PIEZO1: variants seen among roughly 807,000 people sequenced by gnomAD.
The protein encoded by PIEZO1 is piezo type mechanosensitive ion channel component 1 (Er blood group).
In PIEZO1, 296 loss-of-function variants were observed where a neutral mutation model predicts 297.2. The ratio of observed to expected loss-of-function variants is 1.00; its 90% CI spans 0.91 to 1.10. PIEZO1 has a LOEUF of 1.10. Among genes scored for constraint, PIEZO1 ranks in the 50% least tolerant of loss-of-function variants. PIEZO1 has a pLI of 0.00. For synonymous variants in PIEZO1, 2,427 were observed against 1,507.5 expected (o/e 1.61, Z -14.13); for missense variants, 5,018 against 3,455.5 (o/e 1.45, Z -11.34).
intron 1 of PIEZO1, among the ~76,000 whole-genome samples, chr16:88,768,277 A>G (rs1012271217): frequency 2.0e-5 from 3 of 152,190 alleles, no homozygotes; most frequent in Non-Finnish European, 4.4e-5. Context: ...ACCTTATGGC[A>G]GGGTGTCCCC....
At chr16:88,730,999 G>A (rs568837557) in intron 22 of PIEZO1, among the ~76,000 whole-genome samples, 44 of 152,290 alleles carry the variant, frequency 2.9e-4, no homozygotes, top group African/African-American at 5.8e-4. Context: ...CCCCTGAGCC[G>A]GCCACGTGCA....
At chr16:88,726,481 C>T in intron 26 of PIEZO1, 26 bp from the exon 27 acceptor site, 1 of 1,548,720 alleles carries the variant, frequency 6.5e-7, no homozygotes, top group South Asian at 1.2e-5. Flanking sequence ...CGGCAAGGGT[C>T]AGGCCCAGGG....
chr16:88,737,508 C>G, intron 10 of PIEZO1, 51 bp downstream of exon 10: 1 of 1,315,570 alleles, frequency 7.6e-7, no homozygotes, highest in South Asian at 1.3e-5. Context: ...CAGCACCGGC[C>G]TCCGCCCCGC....
rs1244995733 is a variant in PIEZO1, at chr16:88,734,737, G to C, written c.1910C>G (p.Thr637Ser). The C allele has an allele frequency of 3.9e-6, 6 of 1,550,172 alleles. No individual in the cohort carries two copies. Among genetic ancestry groups the C allele is most frequent in the African/African-American group, 1.4e-5 (1 of 73,046 alleles). ...GTAGACGGCGATGAGGACCAGCATG[G>C]TGTAGGCCACCACGAGCCACCAGAA... ...KAFWWLVVAY[T>S]MLVLIAVYTF... is the part of the protein sequence containing the mutation. The change falls in exon 15 of 51, where the codon ACC becomes AGC. Residue 637 changes from threonine (T) to serine (S), a missense_variant. Physicochemically the swap from Thr to Ser is moderately conservative, Grantham distance 58 (BLOSUM62 1). Coordinates refer to ENST00000301015, the MANE Select transcript of PIEZO1 (RefSeq NM_001142864.4).
chr16:88,784,852 C>G, intron 1 of PIEZO1, 49 bp downstream of exon 1: 1 of 1,309,266 alleles, frequency 7.6e-7, no homozygotes, highest in Non-Finnish European at 1.0e-6. Context: ...CGTGGGGAGC[C>G]GAGACGCAGC....
At chr16:88,734,272 C>A in intron 16 of PIEZO1, 84 bp downstream of exon 16, 1 of 1,312,968 alleles carries the variant, frequency 7.6e-7, no homozygotes, top group Non-Finnish European at 1.0e-6. Flanking sequence ...GAAGATGTGG[C>A]TCCTGTCCAA....
intron 30 of PIEZO1, 68 bp downstream of exon 30, chr16:88,724,941 C>A (rs1401642044): frequency 6.0e-6 from 6 of 1,008,088 alleles, no homozygotes; most frequent in Non-Finnish European, 8.4e-6. Flanking sequence ...GATAGCAGGC[C>A]AGGCAGAGGA....
Position 88,727,597 on chromosome 16 carries a change from C to G in PIEZO1, c.3261G>C (p.Leu1087=), listed in dbSNP as rs1904546271. The change falls in exon 23 of 51, where the codon CTG becomes CTC. Residue 1087 remains leucine, a synonymous_variant. Coordinates refer to ENST00000301015, the MANE Select transcript of PIEZO1 (RefSeq NM_001142864.4). ...MNSALIKWLY[L]PDFFRAPNST... ...AGTTGGGGGCCCGGAAGAAATCAGG[C>G]AGGTACAGCCACTTGATGAGTGCGG... 3 of 1,535,334 alleles carry G rather than the reference C, an allele frequency of 2.0e-6. No individual in the cohort carries two copies. Among genetic ancestry groups the G allele is most frequent in the Non-Finnish European group, 2.6e-6 (3 of 1,137,494 alleles).
rs1035580517 is a variant in PIEZO1, at chr16:88,733,258, C to G, written c.2664+20G>C. The G allele has an allele frequency of 1.7e-5, 26 of 1,531,718 alleles. No individual in the cohort carries two copies. Among genetic ancestry groups the G allele is most frequent in the Non-Finnish European group, 1.5e-5 (17 of 1,131,868 alleles). The allele number at this position is 1,531,718 out of a possible 1,614,324, so 94.9% of individuals were successfully genotyped here. On this transcript the variant is annotated intron_variant, in intron 19 of 50. Transcript: ENST00000301015. The stretch of plus-strand genomic sequence containing the variant: ...AGTTGCCTGGAGCTTCCTCCCGTCC[C>G]AGCCCTCGGGGGCCGGTACCTCGGT...
intron 1 of PIEZO1, among the ~76,000 whole-genome samples, chr16:88,777,311 C>G (rs1249425434): frequency 1.3e-5 from 2 of 152,242 alleles, no homozygotes; most frequent in Non-Finnish European, 2.9e-5. Context: ...GTGCACCCAC[C>G]AAGGAGGGAG....
Position 88,725,381 on chromosome 16 carries a change from C to T in PIEZO1, c.4162+35G>A, listed in dbSNP as rs574939876. 1,260 of 1,255,344 alleles carry T rather than the reference C, an allele frequency of 1.0e-3. 10 individuals carry two copies. Among genetic ancestry groups the T allele is most frequent in the South Asian group, 2.4e-3 (151 of 64,244 alleles). 77.8% of individuals were successfully genotyped at this position (1,255,344 alleles called of 1,614,324 possible). ...CCAGCAGGCACAGACATGCTGGACA[C>T]GGGGCCCTGGGTGCCCGACTCCAGC... On this transcript the variant is annotated intron_variant, in intron 29 of 50. Coordinates refer to ENST00000301015, the MANE Select transcript of PIEZO1 (RefSeq NM_001142864.4).
Position 88,723,329 on chromosome 16 carries a change from C to T in PIEZO1, c.4336-1G>A. 6.5e-7 allele frequency: 1 copy of T among 1,537,624 alleles called. No homozygotes were observed. Among genetic ancestry groups the T allele is most frequent in the Non-Finnish European group, 8.7e-7 (1 of 1,146,618 alleles). The stretch of plus-strand genomic sequence containing the variant: ...TGGTCACCCATGCCTGGTACGCCAG[C>T]TGTCGGCCAGCCCCCGGGTTAGGAC... On this transcript the variant is annotated splice_acceptor_variant, in intron 31 of 50. Coordinates refer to ENST00000301015, the MANE Select transcript of PIEZO1 (RefSeq NM_001142864.4). LOFTEE classifies it high-confidence loss of function.
chr16:88,725,514 T>A lies in PIEZO1; in HGVS notation c.4064A>T (p.Glu1355Val), dbSNP rs1307278193. The A allele has an allele frequency of 6.5e-7, 1 of 1,536,384 alleles. No homozygotes were observed. Among genetic ancestry groups the A allele is most frequent in the East Asian group, 2.5e-5 (1 of 40,624 alleles). ...KSLAQLKRQM[E>V]RIRAKQEKHR... ...CTTCTCCTGCTTGGCACGGATACGC[T>A]CCATCCTGTGGTGGGGAAAGGTGGG... The change falls in exon 29 of 51, where the codon GAG becomes GTG. Residue 1355 changes from glutamate to valine, a missense_variant. Physicochemically the swap from Glu to Val is moderately radical, Grantham distance 121. Transcript: ENST00000301015.
intron 17 of PIEZO1, 62 bp from the exon 18 acceptor site, chr16:88,733,807 A>AGAGGCTCTGGAGCCCAGAG (rs1905034701): frequency 6.8e-7 from 1 of 1,475,606 alleles, no homozygotes; most frequent in Non-Finnish European, 9.0e-7. Context: ...CCTGTGAGGA[A>AGAGGCTCTGGAGCCCAGAG]GAGGCTCTGG....
At position 88,726,603 on chromosome 16, in the gene PIEZO1, A is replaced by C. The variant is rs907173644; in HGVS notation, c.3740T>G (p.Phe1247Cys). 51 of 1,541,694 alleles carry C rather than the reference A, an allele frequency of 3.3e-5. No homozygotes were observed. Among genetic ancestry groups the C allele is most frequent in the Non-Finnish European group, 4.0e-5 (46 of 1,140,854 alleles). The stretch of plus-strand genomic sequence containing the variant: ...GCTGAAGAGCTGGATGACCCAGCAG[A>C]AGCCGGTCTGCATCTGCTCCACGAA... The part of the protein sequence containing the change: ...CVFVEQMQTG[F>C]CWVIQLFSLV... Residue 1247 changes from phenylalanine to cysteine, a missense_variant, in exon 26 of 51, where the codon TTC becomes TGC. Transcript: ENST00000301015.
chr16:88,721,371 G>A lies in PIEZO1; in HGVS notation c.5463C>T (p.Gly1821=), dbSNP rs979453107. The A allele has an allele frequency of 9.7e-6, 15 of 1,549,414 alleles. No individual in the cohort carries two copies. The highest frequency in any genetic ancestry group is 3.9e-5 in the Admixed American group (2 of 50,980). Residue 1821 remains glycine, a synonymous_variant, in exon 39 of 51, where the codon GGC becomes GGT. Coordinates refer to ENST00000301015, the MANE Select transcript of PIEZO1 (RefSeq NM_001142864.4). ...DSPSKEHDKS[G]EEEQGAEEGP... is the part of the protein sequence containing the mutation. ...CCTCCTCGGCTCCCTGCTCCTCCTC[G>A]CCGCTCTTGTCATGCTCCTTGGATG...
intron 1 of PIEZO1, among the ~76,000 whole-genome samples, chr16:88,775,225 G>A (rs1319329936): frequency 6.6e-6 from 1 of 152,256 alleles, no homozygotes; most frequent in African/African-American, 2.4e-5. Context: ...GCCTGGCACA[G>A]GCTGGAGCAG....
In PIEZO1 at chr16:88,720,275, C is replaced by G. The variant is rs927362544; in HGVS notation, c.5958G>C (p.Ser1986=). The G allele has an allele frequency of 1.3e-6, 2 of 1,550,226 alleles. No individual in the cohort carries two copies. Among genetic ancestry groups the G allele is most frequent in the Non-Finnish European group, 8.7e-7 (1 of 1,146,958 alleles). ...IFGFWAFGKH[S]AATDITSSLS... is the part of the protein sequence containing the mutation. ...GGGAGGACGTGATGTCTGTGGCCGC[C>G]GAGTGCTTCTGTGGCCAGGAGAGCA... The change falls in exon 42 of 51, where the codon TCG becomes TCC. Residue 1986 remains serine (S), a synonymous_variant. Transcript: ENST00000301015.
At chr16:88,776,454 G>C (rs1907669717) in intron 1 of PIEZO1, among the ~76,000 whole-genome samples, 1 of 151,986 alleles carries the variant, frequency 6.6e-6, no homozygotes, top group African/African-American at 2.4e-5. Context: ...AAGAAGGGAT[G>C]AGACGCAGGG....
Sources: allele counts gnomAD v4.1 joint callset (sites outside exome capture counted in the v4.1 genomes callset), GRCh38; gene constraint gnomAD v4.1.1; transcripts MANE v1.5; gene names NCBI Gene and HGNC (gene_info 2026-07-23, HGNC 2026-07-21).